The following CSMD1 variants were observed in gnomAD, a reference collection of about 807,000 sequenced individuals.
CSMD1 encodes the protein CUB and sushi domain-containing protein 1.
A neutral mutation model predicts 417.5 loss-of-function variants in CSMD1; 213 were observed. That is an observed-to-expected ratio of 0.51 (90% CI 0.46 to 0.57). The LOEUF (loss-of-function observed/expected upper bound fraction) is 0.57. CSMD1 is among the 20% of genes least tolerant of loss of function. The pLI is 0.00. For missense variants in CSMD1, 6,923 were observed against 4,529.7 expected (o/e 1.53, Z -15.17); for synonymous variants, 2,862 against 1,736.8 (o/e 1.65, Z -16.11).
chr8:4,073,365 G>A (rs74629570), intron 3 of CSMD1, among the ~76,000 whole-genome samples: 1,929 of 152,196 alleles, frequency 0.013, 15 homozygotes, highest in Middle Eastern at 0.024. Context: ...ATAAGAGCAA[G>A]GTCGTACTTA....
intron 12 of CSMD1, among the ~76,000 whole-genome samples, chr8:3,411,843 T>TATGCACGTATAC (rs1563361425): frequency 1.7e-5 from 1 of 60,560 alleles, no homozygotes; most frequent in Non-Finnish European, 3.9e-5. Context: ...TGCACGTATA[T>TATGCACGTATAC]ATGCACGTAT....
In CSMD1 at chr8:3,861,578, A is replaced by G. The variant is rs1009434817; in HGVS notation, c.819-107536T>C. Among the ~76,000 whole-genome samples the G allele has an allele frequency of 3.4e-4, 52 of 152,252 alleles. 1 individual carries two copies. Among genetic ancestry groups the G allele is most frequent in the African/African-American group, 1.1e-3 (44 of 41,564 alleles). ...TGAGCATTACTTGGGAATGGCTCCT[A>G]TGGTATGTGGGTTTCTGAGCTGAAG... On this transcript the variant is annotated intron_variant, in intron 5 of 69. Transcript: ENST00000635120.
chr8:3,488,807 A>G (rs1451076558), intron 11 of CSMD1, among the ~76,000 whole-genome samples: 1 of 152,214 alleles, frequency 6.6e-6, no homozygotes, highest in African/African-American at 2.4e-5. Flanking sequence ...ATTCAGGCTC[A>G]AAGGCAGTGC....
At chr8:3,686,308 C>A (rs182573934) in intron 7 of CSMD1, among the ~76,000 whole-genome samples, 1 of 152,266 alleles carries the variant, frequency 6.6e-6, no homozygotes, top group African/African-American at 2.4e-5. Flanking sequence ...TGACAGCTAA[C>A]ACTGTGACTT....
At chr8:4,113,517 G>A (rs1302561670) in intron 3 of CSMD1, among the ~76,000 whole-genome samples, 3 of 147,672 alleles carry the variant, frequency 2.0e-5, no homozygotes, top group Non-Finnish European at 4.4e-5. Flanking sequence ...CAATTCTCCT[G>A]CCTCTGCCTC....
In CSMD1 at chr8:3,436,766, T is replaced by TA. The variant is rs1454799107; in HGVS notation, c.1562-27162dup. On this transcript the variant is annotated intron_variant, in intron 12 of 69. Transcript: ENST00000635120. ...AATGAGCATTTTTAGGAGTAAGGCT[T>TA]AAAAAAAGATATTTTCTTCTTCTCT... Among the ~76,000 whole-genome samples, 6 of 152,232 alleles carry TA rather than the reference T, an allele frequency of 3.9e-5. No individual in the cohort carries two copies. In the East Asian group the frequency reaches 1.2e-3, roughly 29 times the overall value.
chr8:4,048,780 T>C (rs759765293), intron 3 of CSMD1, among the ~76,000 whole-genome samples: 4 of 152,228 alleles, frequency 2.6e-5, no homozygotes, highest in Non-Finnish European at 5.9e-5. Context: ...CTGTGTTACA[T>C]GAATGTTATT....
intron 2 of CSMD1, among the ~76,000 whole-genome samples, chr8:4,527,179 C>T (rs993820825): frequency 1.3e-5 from 2 of 152,134 alleles, no homozygotes; most frequent in Non-Finnish European, 2.9e-5. Context: ...TATAATTCTT[C>T]CTAGATGCTT....
In CSMD1 at chr8:4,042,972, G is replaced by T. The variant is rs186267000; in HGVS notation, c.416-10873C>A. ...AAAAACCCACCTCTACTAAATATGG[G>T]AAAAAAAAAATTAGCTGGGTGTGGT... is the stretch of plus-strand genomic sequence containing the variant. On this transcript the variant is annotated intron_variant, in intron 3 of 69. Coordinates refer to ENST00000635120, the MANE Select transcript of CSMD1 (RefSeq NM_033225.6). 1.3e-3 allele frequency among the ~76,000 whole-genome samples: 197 copies of T among 149,428 alleles called. 1 individual carries two copies. The highest frequency in any genetic ancestry group is 4.5e-3 in the African/African-American group (182 of 40,768).
intron 1 of CSMD1, among the ~76,000 whole-genome samples, chr8:4,904,641 C>G: frequency 6.6e-6 from 1 of 152,188 alleles, no homozygotes; most frequent in East Asian, 1.9e-4. Flanking sequence ...TCCAAGTCAA[C>G]CAGAAGTTCA....
intron 4 of CSMD1, among the ~76,000 whole-genome samples, chr8:4,020,891 C>A (rs1375525935): frequency 2.0e-5 from 3 of 152,202 alleles, no homozygotes; most frequent in Non-Finnish European, 4.4e-5. Flanking sequence ...TCCTACTCAG[C>A]TCAAATATGC....
intron 10 of CSMD1, among the ~76,000 whole-genome samples, chr8:3,497,845 G>A (rs769710359): frequency 4.6e-5 from 7 of 152,134 alleles, no homozygotes; most frequent in African/African-American, 7.2e-5. Context: ...TTTCTGTAGT[G>A]ATATGGTTTT....
chr8:4,373,319 A>T (rs763918745), intron 3 of CSMD1, among the ~76,000 whole-genome samples: 3 of 149,330 alleles, frequency 2.0e-5, no homozygotes, highest in Admixed American at 2.0e-4. Context: ...ATAACCAAAG[A>T]AAGTATGCGA....
At chr8:4,358,227 T>C (rs7015282) in intron 3 of CSMD1, among the ~76,000 whole-genome samples, 4,697 of 152,322 alleles carry the variant, frequency 0.031, 247 homozygotes, top group African/African-American at 0.11. Flanking sequence ...ATGTACCAAA[T>C]GAATGTCACT....
intron 3 of CSMD1, among the ~76,000 whole-genome samples, chr8:4,373,453 T>C (rs577986385): frequency 2.0e-5 from 3 of 152,284 alleles, no homozygotes; most frequent in East Asian, 1.9e-4. Context: ...CACTGCAATA[T>C]CTCTGAAATG....
intron 1 of CSMD1, among the ~76,000 whole-genome samples, chr8:4,882,075 C>A (rs1173594124): frequency 6.6e-6 from 1 of 151,918 alleles, no homozygotes; most frequent in Non-Finnish European, 1.5e-5. Flanking sequence ...TTAGAAAGTA[C>A]GAATAATAAG....
At chr8:3,328,446 C>A (rs1392606681) in intron 23 of CSMD1, among the ~76,000 whole-genome samples, 1 of 152,216 alleles carries the variant, frequency 6.6e-6, no homozygotes, top group Admixed American at 6.5e-5. Flanking sequence ...AATATCTGCA[C>A]AGAATACCTT....
chr8:3,336,230 A>T (rs1395216892), intron 23 of CSMD1, among the ~76,000 whole-genome samples: 1 of 152,126 alleles, frequency 6.6e-6, no homozygotes, highest in Non-Finnish European at 1.5e-5. Flanking sequence ...TGTGTGAGTT[A>T]CAATACATGC....
At chr8:3,389,699 C>G (rs776551016) in intron 17 of CSMD1, among the ~76,000 whole-genome samples, 13 of 151,900 alleles carry the variant, frequency 8.6e-5, no homozygotes, top group Non-Finnish European at 1.0e-4. Flanking sequence ...AAACCATAAA[C>G]TAAACTTTTC....
Sources: gnomAD v4.1 joint callset for allele counts (sites outside exome capture counted in the v4.1 genomes callset) on GRCh38, gnomAD v4.1.1 for gene constraint, MANE v1.5 for transcripts, NCBI Gene and HGNC (gene_info 2026-07-23, HGNC 2026-07-21) for gene names.